The following L3MBTL1 variants were observed in gnomAD, a reference collection of about 807,000 sequenced individuals.
L3MBTL1 encodes lethal(3)malignant brain tumor-like protein 1.
L3MBTL1 carries 75 observed loss-of-function variants against 105.3 expected under a neutral mutation model. The ratio of observed to expected loss-of-function variants is 0.71; its 90% confidence interval spans 0.59 to 0.86. L3MBTL1 has a LOEUF of 0.86. Ranked by LOEUF, L3MBTL1 falls within the 40% of genes least tolerant of loss-of-function variation. L3MBTL1 has a pLI of 0.00. For synonymous variants in L3MBTL1, 452 were observed against 436.2 expected (o/e 1.04, Z -0.45); for missense variants, 1,069 against 1,126.4 (o/e 0.95, Z 0.73).
chr20:43,530,867 A>C lies in L3MBTL1; in HGVS notation c.1262A>C (p.His421Pro). ...ACAAGAGCTCAGGCTGCCCCCAAGC[A>C]CCTGTTTGTGAGCCAGAGCCACGTG... ...RSTRAQAAPKHLFVSQSHSPP... is the reference protein window; with the variant it reads ...RSTRAQAAPKPLFVSQSHSPP... Residue 421 changes from histidine (H) to proline (P), a missense_variant, in exon 11 of 22, where the codon CAC (histidine) becomes CCC (proline). Coordinates refer to ENST00000418998, the MANE Select transcript of L3MBTL1 (RefSeq NM_001377303.1). The C allele has an allele frequency of 1.2e-6, 2 of 1,613,878 alleles. No homozygotes were observed. The highest frequency in any genetic ancestry group is 2.2e-5 in the East Asian group (1 of 44,864).
chr20:43,509,824 C>T (rs1235615015), intron 1 of L3MBTL1, among the ~76,000 whole-genome samples: 1 of 152,184 alleles, frequency 6.6e-6, no homozygotes, highest in Non-Finnish European at 1.5e-5. Context: ...ACCACATTCA[C>T]TCTTAACTGC....
intron 7 of L3MBTL1, among the ~76,000 whole-genome samples, chr20:43,519,715 G>A (rs954835576): frequency 2.6e-5 from 4 of 152,152 alleles, no homozygotes; most frequent in African/African-American, 2.4e-5. Flanking sequence ...GTCATAGCAC[G>A]TTGTAGCCTC....
Position 43,532,816 on chromosome 20 carries a change from C to T in L3MBTL1, c.1328C>T (p.Ala443Val). ...TTCCAGGTGGGCATGAAGCTGGAGGCTGTTGACCGCATGAACCCGTCCCTT... is the reference window on the plus strand; with the variant it reads ...TTCCAGGTGGGCATGAAGCTGGAGGTTGTTGACCGCATGAACCCGTCCCTT... ...LGFQVGMKLE[A>V]VDRMNPSLVC... Residue 443 changes from alanine (A) to valine (V), a missense_variant, in exon 12 of 22, where the codon GCT becomes GTT. Coordinates refer to ENST00000418998, the MANE Select transcript of L3MBTL1 (RefSeq NM_001377303.1). The T allele has an allele frequency of 6.2e-7, 1 of 1,614,210 alleles. No individual in the cohort carries two copies. The highest frequency in any genetic ancestry group is 8.5e-7 in the Non-Finnish European group (1 of 1,180,032).
chr20:43,528,650 T>C lies in L3MBTL1; in HGVS notation c.863-7T>C, dbSNP rs753923845. The C allele has an allele frequency of 2.5e-6, 4 of 1,613,118 alleles. No homozygotes were observed. Among genetic ancestry groups the C allele is most frequent in the Non-Finnish European group, 3.4e-6 (4 of 1,179,046 alleles). ...CAGGAGTTAGCCTGTCTGTCCCCTT[T>C]CCACAGCAACAGGTGAGAAGAAGGA... On this transcript the variant is annotated splice_region_variant and splice_polypyrimidine_tract_variant and intron_variant, in intron 7 of 21. Transcript: ENST00000418998.
intron 15 of L3MBTL1, 121 bp from the exon 16 acceptor site, chr20:43,534,707 C>A (rs2019516030): frequency 2.9e-6 from 2 of 683,042 alleles, no homozygotes; most frequent in Non-Finnish European, 5.0e-6. Flanking sequence ...GCAGGGTTGG[C>A]CCCTTGGTTC....
rs571662056 is a variant in L3MBTL1 at position 43,529,386 on chromosome 20, A to G, written c.1056+18A>G. 4.5e-6 allele frequency: 7 copies of G among 1,553,622 alleles called. No homozygotes were observed. Among genetic ancestry groups the G allele is most frequent in the Non-Finnish European group, 6.2e-6 (7 of 1,129,560 alleles). On this transcript the variant is annotated intron_variant, in intron 9 of 21. Coordinates refer to ENST00000418998, the MANE Select transcript of L3MBTL1 (RefSeq NM_001377303.1). ...TGGCTGAGGTGAGCTGGGGCTTGGT[A>G]CCACCTTTCTGATGATGTCTCTCAG...
At chr20:43,522,456 AGTTTTTT>A (rs1351942434) in intron 7 of L3MBTL1, among the ~76,000 whole-genome samples, 3 of 89,944 alleles carry the variant, frequency 3.3e-5, no homozygotes, top group East Asian at 4.2e-4. Flanking sequence ...TTCCCTGCTA[AGTTTTTT>A]TTTTTTTTTT....
At chr20:43,508,352 G>A (rs879493745) in intron 1 of L3MBTL1, among the ~76,000 whole-genome samples, 70 of 152,168 alleles carry the variant, frequency 4.6e-4, no homozygotes, top group African/African-American at 1.6e-3. Flanking sequence ...CCCGATCCTG[G>A]AACCCTGCGC....
intron 7 of L3MBTL1, among the ~76,000 whole-genome samples, chr20:43,518,897 G>C (rs1039069645): frequency 1.5e-5 from 2 of 135,770 alleles, no homozygotes; most frequent in African/African-American, 5.4e-5. Context: ...ATGGTGGCTC[G>C]CACCTGTAAT....
intron 3 of L3MBTL1, 139 bp from the exon 4 acceptor site, chr20:43,514,496 G>A: frequency 6.5e-7 from 1 of 1,539,512 alleles, no homozygotes. Flanking sequence ...AGCTTGGAGT[G>A]AGGCCCCCTG....
chr20:43,531,630 C>T (rs111293050), intron 11 of L3MBTL1: 1,695 of 152,464 alleles, frequency 0.011, 40 homozygotes, highest in African/African-American at 0.037. Flanking sequence ...GCAGGAGAAT[C>T]GCTTGAACCT....
intron 7 of L3MBTL1, among the ~76,000 whole-genome samples, chr20:43,522,127 C>T (rs904247128): frequency 4.6e-5 from 7 of 152,084 alleles, no homozygotes; most frequent in African/African-American, 1.2e-4. Context: ...GAGGCCGAGG[C>T]GGGTGGATCA....
Position 43,528,672 on chromosome 20 carries a change from A to G in L3MBTL1, c.878A>G (p.Lys293Arg). 1 of 1,614,094 alleles carries G rather than the reference A, an allele frequency of 6.2e-7. No individual in the cohort carries two copies. The highest frequency in any genetic ancestry group is 2.2e-5 in the East Asian group (1 of 44,888). The change falls in exon 8 of 22, where the codon AAG (lysine) becomes AGG (arginine). Residue 293 changes from lysine (K) to arginine (R), a missense_variant. Lys to Arg is a conservative substitution (Grantham distance 26). Transcript: ENST00000418998. ...CTTTCCACAGCAACAGGTGAGAAGA[A>G]GGAATGCTGGTCGTGGGAGTCCTAC... The part of the protein sequence containing the change: ...SSSQPATGEK[K>R]ECWSWESYLE...
At chr20:43,513,334 C>T in intron 1 of L3MBTL1, 142 bp from the exon 2 acceptor site, 1 of 790,382 alleles carries the variant, frequency 1.3e-6, no homozygotes, top group Non-Finnish European at 2.0e-6. Flanking sequence ...ACCCTACTCC[C>T]CACAGGACTG....
intron 18 of L3MBTL1, among the ~76,000 whole-genome samples, chr20:43,547,336 C>G (rs1280367538): frequency 3.3e-5 from 5 of 152,248 alleles, no homozygotes; most frequent in East Asian, 3.9e-4. Flanking sequence ...GATCTCCTGA[C>G]CTCATGATCC....
chr20:43,514,745 G>T lies in L3MBTL1; in HGVS notation c.471G>T (p.Ala157=). The T allele has an allele frequency of 1.3e-6, 2 of 1,565,098 alleles. No individual in the cohort carries two copies. ...VTEYEDGGAP[A]GDGEAGPQQA... The stretch of plus-strand genomic sequence containing the variant: ...AATACGAAGATGGCGGGGCCCCGGC[G>T]GGAGATGGCGAGGCGGGCCCCCAAC... The change falls in exon 4 of 22, where the codon GCG becomes GCT. Residue 157 remains alanine (A), a synonymous_variant. Transcript: ENST00000418998.
At chr20:43,537,702 G>A (rs1339500459) in intron 19 of L3MBTL1, among the ~76,000 whole-genome samples, 1 of 152,182 alleles carries the variant, frequency 6.6e-6, no homozygotes, top group African/African-American at 2.4e-5. Context: ...GCACAGCAGG[G>A]ACGCCTCAGT....
intron 7 of L3MBTL1, among the ~76,000 whole-genome samples, chr20:43,517,974 T>C (rs1042623044): frequency 1.3e-5 from 2 of 152,224 alleles, no homozygotes; most frequent in Non-Finnish European, 2.9e-5. Context: ...TTAAGACTTA[T>C]GCAGAGGAAA....
At chr20:43,517,319 C>T (rs1034577636) in intron 7 of L3MBTL1, among the ~76,000 whole-genome samples, 2 of 152,168 alleles carry the variant, frequency 1.3e-5, no homozygotes, top group Non-Finnish European at 2.9e-5. Context: ...TGGTCTCGAA[C>T]TCTTACCTCA....
Sources: gnomAD v4.1 joint callset for allele counts (sites outside exome capture counted in the v4.1 genomes callset) on GRCh38, gnomAD v4.1.1 for gene constraint, MANE v1.5 for transcripts, NCBI Gene and HGNC (gene_info 2026-07-23, HGNC 2026-07-21) for gene names.